PRTFDC1: variants seen among roughly 807,000 people sequenced by gnomAD.
The protein encoded by PRTFDC1 is phosphoribosyltransferase domain-containing protein 1.
Under a neutral mutation model 34.6 loss-of-function variants are expected in PRTFDC1, and 38 were observed. The observed-to-expected ratio is 1.10, with a 90% CI of 0.85 to 1.44. PRTFDC1 has a LOEUF of 1.44. Ranked by LOEUF, PRTFDC1 falls within the 40% of genes most tolerant of loss-of-function variation. PRTFDC1 has a pLI of 0.00. For missense variants in PRTFDC1, 270 were observed against 283.0 expected, an observed-to-expected ratio of 0.95 and a Z score of 0.33; for synonymous variants, 93 against 98.1, an observed-to-expected ratio of 0.95 and a Z score of 0.31.
intron 7 of PRTFDC1, among the ~76,000 whole-genome samples, chr10:24,854,967 C>G (rs1847547413): frequency 6.6e-6 from 1 of 152,184 alleles, no homozygotes; most frequent in Non-Finnish European, 1.5e-5. Flanking sequence ...TCCTATGTGT[C>G]TGAGTCAGTC....
intron 1 of PRTFDC1, among the ~76,000 whole-genome samples, chr10:24,943,443 T>G (rs1338912011): frequency 6.6e-6 from 1 of 151,956 alleles, no homozygotes; most frequent in African/African-American, 2.4e-5. Flanking sequence ...AAATGGAAGG[T>G]GAAGGTGGAG....
chr10:24,876,964 G>A (rs540921553), intron 3 of PRTFDC1, among the ~76,000 whole-genome samples: 119 of 151,874 alleles, frequency 7.8e-4, no homozygotes, highest in Non-Finnish European at 1.5e-3. Flanking sequence ...GGATGGTGAA[G>A]GAAACTTAGA....
At chr10:24,934,389 T>G (rs776180933) in intron 3 of PRTFDC1, among the ~76,000 whole-genome samples, 7 of 152,268 alleles carry the variant, frequency 4.6e-5, no homozygotes, top group Admixed American at 1.3e-4. Context: ...AAAGTTAACC[T>G]GAAAAACTCG....
At chr10:24,902,130 A>G (rs1848459658) in intron 3 of PRTFDC1, among the ~76,000 whole-genome samples, 1 of 152,202 alleles carries the variant, frequency 6.6e-6, no homozygotes, top group South Asian at 2.1e-4. Flanking sequence ...GATGGCTCAT[A>G]GCAATCAATG....
chr10:24,951,520 TG>T (rs1849344374), intron 1 of PRTFDC1: 1 of 975,816 alleles, frequency 1.0e-6, no homozygotes, highest in South Asian at 4.7e-5. Context: ...TCTGTCTGAA[TG>T]TGACACGTTT....
Position 24,892,696 on chromosome 10 carries a change from C to T in PRTFDC1, c.340-20633G>A, listed in dbSNP as rs372109664. Among the ~76,000 whole-genome samples, 16 of 152,106 alleles carry T rather than the reference C, an allele frequency of 1.1e-4. No individual in the cohort carries two copies. In the South Asian group the frequency reaches 2.5e-3, roughly 24 times the overall value. Reference sequence around the variant, plus strand: ...AATTCAAATTTAGTAACAAATTGTGCGTATGATAAATCCACTGGTCCACAA... The same window carrying T: ...AATTCAAATTTAGTAACAAATTGTGTGTATGATAAATCCACTGGTCCACAA... On this transcript the variant is annotated intron_variant, in intron 3 of 8. Coordinates refer to ENST00000320152, the MANE Select transcript of PRTFDC1 (RefSeq NM_020200.7).
At chr10:24,912,885 C>G (rs1439150246) in intron 3 of PRTFDC1, among the ~76,000 whole-genome samples, 1 of 152,144 alleles carries the variant, frequency 6.6e-6, no homozygotes, top group Non-Finnish European at 1.5e-5. Flanking sequence ...CTAAACATGG[C>G]ATCCTGAGTG....
At chr10:24,908,840 C>T in intron 3 of PRTFDC1, 1 of 1,233,136 alleles carries the variant, frequency 8.1e-7, no homozygotes, top group Non-Finnish European at 1.1e-6. Flanking sequence ...CATTTGATTC[C>T]AGCCACCTCA....
chr10:24,849,987 G>A, intron 8 of PRTFDC1, 96 bp from the exon 9 acceptor site: 1 of 1,117,810 alleles, frequency 8.9e-7, no homozygotes, highest in Non-Finnish European at 1.4e-6. Flanking sequence ...TCCTGTAATT[G>A]GCTATTGATC....
intron 3 of PRTFDC1, among the ~76,000 whole-genome samples, chr10:24,898,463 C>CAAA (rs36004025): frequency 1.8e-4 from 18 of 98,086 alleles, no homozygotes; most frequent in African/African-American, 3.8e-4. Flanking sequence ...GACCCTGTCT[C>CAAA]AAAAAAAAAA....
chr10:24,880,813 C>CTCTTTCTTTCTTTCTTTCTTTTCTT (rs1848055826), intron 3 of PRTFDC1, among the ~76,000 whole-genome samples: 15 of 115,016 alleles, frequency 1.3e-4, no homozygotes, highest in East Asian at 8.2e-4. Context: ...TACTGTCTTT[C>CTCTTTCTTTCTTTCTTTCTTTTCTT]TCTTTCTTTC....
intron 3 of PRTFDC1, among the ~76,000 whole-genome samples, chr10:24,935,967 G>T (rs969227562): frequency 6.6e-6 from 1 of 152,128 alleles, no homozygotes; most frequent in Non-Finnish European, 1.5e-5. Context: ...ATCCCTGTAA[G>T]GTTCTGAGCT....
chr10:24,855,078 G>A (rs766070443), intron 7 of PRTFDC1, among the ~76,000 whole-genome samples: 4 of 152,144 alleles, frequency 2.6e-5, no homozygotes, highest in Non-Finnish European at 2.9e-5. Context: ...CCCAATGCAC[G>A]GAACAGAGTT....
At chr10:24,909,527 CAG>C (rs1219584315) in intron 3 of PRTFDC1, among the ~76,000 whole-genome samples, 7 of 152,062 alleles carry the variant, frequency 4.6e-5, no homozygotes, top group South Asian at 2.1e-4. Context: ...ATCACTGATG[CAG>C]AGAGTATCAG....
In PRTFDC1 at chr10:24,851,388, A is replaced by G. The variant is rs778942134; in HGVS notation, c.630T>C (p.Asn210=). 1 of 1,602,456 alleles carries G rather than the reference A, an allele frequency of 6.2e-7. No homozygotes were observed. Among genetic ancestry groups the G allele is most frequent in the South Asian group, 1.1e-5 (1 of 87,528 alleles). The change falls in exon 8 of 9, where the codon AAT becomes AAC. Residue 210 remains asparagine (N), a splice_region_variant and synonymous_variant. Coordinates refer to ENST00000320152, the MANE Select transcript of PRTFDC1 (RefSeq NM_020200.7). ...TTAGGGATTTGCATGCAAGACTTACATTCAGATCTCTGAAGTATTCATTGT... is the reference window on the plus strand; with the variant it reads ...TTAGGGATTTGCATGCAAGACTTACGTTCAGATCTCTGAAGTATTCATTGT... ...LDYNEYFRDL[N]HICVINEHGK...
intron 3 of PRTFDC1, among the ~76,000 whole-genome samples, chr10:24,879,273 A>T (rs1362486067): frequency 6.6e-6 from 1 of 152,130 alleles, no homozygotes; most frequent in African/African-American, 2.4e-5. Flanking sequence ...ATGCAGAGCC[A>T]GGGTCAGTGA....
chr10:24,849,712 T>C lies in PRTFDC1; in HGVS notation c.*132A>G, dbSNP rs1847449512. On this transcript the variant is annotated 3_prime_UTR_variant, in exon 9 of 9. Transcript: ENST00000320152. ...ATTAACCTCAGAAAAGAAAGCTCTC[T>C]CATTTGAACATTTTTTTCTTTTATA... is the stretch of plus-strand genomic sequence containing the variant. The C allele has an allele frequency of 2.6e-6, 2 of 756,844 alleles. No homozygotes were observed. Among genetic ancestry groups the C allele is most frequent in the South Asian group, 3.6e-5 (2 of 55,878 alleles). 46.9% of individuals were successfully genotyped at this position (756,844 alleles called of 1,614,324 possible).
chr10:24,908,425 G>C lies in PRTFDC1; in HGVS notation c.339+28759C>G. 7 of 1,526,036 alleles carry C rather than the reference G, an allele frequency of 4.6e-6. No homozygotes were observed. The Admixed American group carries it at 5.5e-5, about 12-fold the overall frequency. 94.5% of individuals were successfully genotyped at this position (1,526,036 alleles called of 1,614,324 possible). ...AGTGTCCAGTTTCTTCATGAAGACT[G>C]TGGGCACAGCCAGGGCTTGAAGACA... On this transcript the variant is annotated intron_variant, in intron 3 of 8. Coordinates refer to ENST00000320152, the MANE Select transcript of PRTFDC1 (RefSeq NM_020200.7).
At chr10:24,876,131 G>A (rs538021175) in intron 3 of PRTFDC1, among the ~76,000 whole-genome samples, 13 of 152,038 alleles carry the variant, frequency 8.6e-5, no homozygotes, top group African/African-American at 2.9e-4. Context: ...GCAGAGGCAG[G>A]CACTTTGGGA....
Sources: gnomAD v4.1 joint callset for allele counts (sites outside exome capture counted in the v4.1 genomes callset) on GRCh38, gnomAD v4.1.1 for gene constraint, MANE v1.5 for transcripts, NCBI Gene and HGNC (gene_info 2026-07-23, HGNC 2026-07-21) for gene names.